Variants in PNLIP observed in about 807,000 individuals in gnomAD.
PNLIP encodes pancreatic triacylglycerol lipase.
PNLIP carries 49 observed loss-of-function variants against 57.1 expected under a neutral mutation model. The ratio of observed to expected loss-of-function variants is 0.86; its 90% CI spans 0.68 to 1.09. The LOEUF (loss-of-function observed/expected upper bound fraction) is 1.09. Among genes scored for constraint, PNLIP ranks in the 50% least tolerant of loss-of-function variants. The pLI is 0.00. For synonymous variants in PNLIP, 209 were observed against 200.4 expected, an observed-to-expected ratio of 1.04 and a Z score of -0.36; for missense variants, 503 against 570.2, an observed-to-expected ratio of 0.88 and a Z score of 1.20.
Position 116,561,643 on chromosome 10 carries a change from A to G in PNLIP, c.1334+7A>G. 6.2e-7 allele frequency: 1 copy of G among 1,604,004 alleles called. No individual in the cohort carries two copies. The highest frequency in any genetic ancestry group is 8.5e-7 in the Non-Finnish European group (1 of 1,173,636). On this transcript the variant is annotated splice_region_variant and intron_variant, in intron 12 of 12. Coordinates refer to ENST00000369221, the MANE Select transcript of PNLIP (RefSeq NM_000936.4). ...AGACAAATGTTGGAAAACAGTAAGT[A>G]ATGAAAATCCCAGGAGATGTGAAAT...
chr10:116,557,523 A>G (rs578065674), intron 9 of PNLIP, among the ~76,000 whole-genome samples: 19 of 152,268 alleles, frequency 1.2e-4, no homozygotes, highest in Middle Eastern at 6.8e-3. Flanking sequence ...TGATGGGCAC[A>G]CTGCTGTATT....
At position 116,555,183 on chromosome 10, in the gene PNLIP, G is replaced by A. The variant is rs112909524; in HGVS notation, c.577G>A (p.Asp193Asn). The change falls in exon 7 of 13, where the codon GAC (aspartate) becomes AAC (asparagine). Residue 193 changes from aspartate (D) to asparagine (N), a missense_variant. Coordinates refer to ENST00000369221, the MANE Select transcript of PNLIP (RefSeq NM_000936.4). ...AAACATACTCTTTACTTTAGGGTTG[G>A]ACCCAGCAGAACCTTGCTTTCAGGG... ...NGTIGRITGL[D>N]PAEPCFQGTP... The A allele has an allele frequency of 1.2e-6, 2 of 1,614,086 alleles. No homozygotes were observed. The highest frequency in any genetic ancestry group is 1.7e-6 in the Non-Finnish European group (2 of 1,180,008).
At position 116,548,344 on chromosome 10, in the gene PNLIP, T is replaced by A; in HGVS notation, c.202-16T>A. On this transcript the variant is annotated splice_polypyrimidine_tract_variant and intron_variant, in intron 3 of 12. Transcript: ENST00000369221. Reference sequence around the variant, plus strand: ...ACTATAGGAAACTGACATGAAACACTTTTCTGTCTAAACAGGAAGTTGCCG... The same window carrying A: ...ACTATAGGAAACTGACATGAAACACATTTCTGTCTAAACAGGAAGTTGCCG... The A allele has an allele frequency of 6.2e-7, 1 of 1,613,050 alleles. No homozygotes were observed. Among genetic ancestry groups the A allele is most frequent in the Non-Finnish European group, 8.5e-7 (1 of 1,179,444 alleles).
chr10:116,563,187 A>G (rs1237327317), intron 12 of PNLIP, among the ~76,000 whole-genome samples: 1 of 152,200 alleles, frequency 6.6e-6, no homozygotes, highest in Non-Finnish European at 1.5e-5. Context: ...AGTGTTTCTC[A>G]TCCAAAATGC....
At chr10:116,565,052 T>A (rs1381734939) in intron 12 of PNLIP, among the ~76,000 whole-genome samples, 2 of 151,688 alleles carry the variant, frequency 1.3e-5, no homozygotes, top group African/African-American at 4.8e-5. Flanking sequence ...TGAGGTCAGA[T>A]CGAGACCATC....
At chr10:116,558,627 ATTTG>A (rs1329421776) in intron 9 of PNLIP, among the ~76,000 whole-genome samples, 1 of 151,138 alleles carries the variant, frequency 6.6e-6, no homozygotes, top group Non-Finnish European at 1.5e-5. Context: ...TCATTGTATG[ATTTG>A]TTTTTTTTTT....
At chr10:116,563,460 G>T (rs1847335007) in intron 12 of PNLIP, among the ~76,000 whole-genome samples, 1 of 152,062 alleles carries the variant, frequency 6.6e-6, no homozygotes, top group Non-Finnish European at 1.5e-5. Context: ...AAGTTCTTTA[G>T]TGATGATTTG....
At chr10:116,554,398 G>A (rs1326668855) in intron 6 of PNLIP, among the ~76,000 whole-genome samples, 1 of 152,174 alleles carries the variant, frequency 6.6e-6, no homozygotes, top group African/African-American at 2.4e-5. Context: ...GAGTTGTCAG[G>A]GAAAAGGTGG....
intron 4 of PNLIP, among the ~76,000 whole-genome samples, chr10:116,550,345 C>T (rs1349583346): frequency 6.6e-6 from 1 of 151,292 alleles, no homozygotes; most frequent in Non-Finnish European, 1.5e-5. Flanking sequence ...GGCGTGACCA[C>T]CGCACCTGGC....
rs1847249353 is a variant in PNLIP at position 116,556,018 on chromosome 10, C to A, written c.830C>A (p.Ala277Asp). 1.2e-6 allele frequency: 2 copies of A among 1,611,412 alleles called. No homozygotes were observed. The highest frequency in any genetic ancestry group is 1.1e-5 in the South Asian group (1 of 90,942). Residue 277 changes from alanine (A) to aspartate (D), a missense_variant, in exon 9 of 13, where the codon GCC becomes GAC. By Grantham distance (126) the Ala-to-Asp change is moderately radical. Coordinates refer to ENST00000369221, the MANE Select transcript of PNLIP (RefSeq NM_000936.4). ...TTCAAAGGGACTCGAGACTTTGCGGCCTGTAATCACTTAAGAAGCTACAAA... is the reference window on the plus strand; with the variant it reads ...TTCAAAGGGACTCGAGACTTTGCGGACTGTAATCACTTAAGAAGCTACAAA... ...GIWEGTRDFA[A>D]CNHLRSYKYY...
intron 6 of PNLIP, 105 bp downstream of exon 6, chr10:116,553,943 T>C (rs1847223276): frequency 2.0e-6 from 1 of 492,724 alleles, no homozygotes; most frequent in African/African-American, 2.1e-5. Flanking sequence ...TCCTATCTCC[T>C]TAAAAAAAAA....
chr10:116,547,408 G>T lies in PNLIP; in HGVS notation c.161G>T (p.Arg54Leu), dbSNP rs753381451. 7 of 1,613,722 alleles carry T rather than the reference G, an allele frequency of 4.3e-6. No homozygotes were observed. The highest frequency in any genetic ancestry group is 2.2e-5 in the East Asian group (1 of 44,882). Residue 54 changes from arginine (R) to leucine (L), a missense_variant, in exon 3 of 13, where the codon CGC (arginine) becomes CTC (leucine). Physicochemically the swap from Arg to Leu is moderately radical, Grantham distance 102. Transcript: ENST00000369221. ...TGGTCTCCAAAAGATGTCAACACCC[G>T]CTTCCTCCTATATACTAATGAGAAC... ...LPWSPKDVNT[R>L]FLLYTNENPN...
chr10:116,553,897 A>G lies in PNLIP; in HGVS notation c.571+59A>G, dbSNP rs954496395. On this transcript the variant is annotated intron_variant, in intron 6 of 12. Transcript: ENST00000369221. ...TGAGGCAAGATGATCTCTTGAGGCCAGCAGTTTGAGGCCAATCTGGGCAAC... is the reference window on the plus strand; with the variant it reads ...TGAGGCAAGATGATCTCTTGAGGCCGGCAGTTTGAGGCCAATCTGGGCAAC... 39 of 1,001,846 alleles carry G rather than the reference A, an allele frequency of 3.9e-5. No individual in the cohort carries two copies. The African/African-American group carries it at 5.6e-4, about 15-fold the overall frequency. 62.1% of individuals were successfully genotyped at this position (1,001,846 alleles called of 1,614,324 possible).
Position 116,559,350 on chromosome 10 carries a change from A to C in PNLIP, c.1060+67A>C, listed in dbSNP as rs915146488. ...TATTTTATTATTATGTCCACTGAAA[A>C]TGTGCATACTTGCTTTTCTATACAA... On this transcript the variant is annotated intron_variant, in intron 10 of 12. Transcript: ENST00000369221. 7.5e-5 allele frequency: 92 copies of C among 1,221,412 alleles called. 1 individual carries two copies. In the African/African-American group the frequency reaches 1.3e-3, roughly 17 times the overall value. 75.7% of individuals were successfully genotyped at this position (1,221,412 alleles called of 1,614,324 possible). A position where few individuals can be genotyped will look rare whatever the true frequency, so the allele number is the denominator to read the frequency against.
chr10:116,553,952 A>C (rs1405774400), intron 6 of PNLIP, 114 bp downstream of exon 6: 1 of 537,494 alleles, frequency 1.9e-6, no homozygotes. Flanking sequence ...CTTAAAAAAA[A>C]AAAAAAGAAA....
At chr10:116,549,339 T>G (rs1457987868) in intron 4 of PNLIP, among the ~76,000 whole-genome samples, 1 of 151,772 alleles carries the variant, frequency 6.6e-6, no homozygotes, top group Non-Finnish European at 1.5e-5. Context: ...ATTAGCCAGG[T>G]ATGGTGGCAC....
intron 6 of PNLIP, among the ~76,000 whole-genome samples, chr10:116,554,452 T>A (rs1847230439): frequency 6.6e-6 from 1 of 152,148 alleles, no homozygotes; most frequent in Non-Finnish European, 1.5e-5. Flanking sequence ...GCTAATGAGA[T>A]AACGAATAGT....
intron 5 of PNLIP, among the ~76,000 whole-genome samples, chr10:116,552,622 C>A (rs951766788): frequency 6.6e-6 from 1 of 152,280 alleles, no homozygotes; most frequent in Middle Eastern, 3.4e-3. Context: ...CACGGTGGCT[C>A]ACGCCTGTAA....
Position 116,559,215 on chromosome 10 carries a change from A to G in PNLIP, c.992A>G (p.Tyr331Cys), listed in dbSNP as rs1346070717. The G allele has an allele frequency of 1.9e-6, 3 of 1,614,058 alleles. No individual in the cohort carries two copies. Among genetic ancestry groups the G allele is most frequent in the Non-Finnish European group, 2.5e-6 (3 of 1,179,934 alleles). ...CAGATGGGTCACTATGCTGATAGATATCCTGGGAAAACAAATGATGTGGGC... is the reference window on the plus strand; with the variant it reads ...CAGATGGGTCACTATGCTGATAGATGTCCTGGGAAAACAAATGATGTGGGC... ...CPQMGHYADR[Y>C]PGKTNDVGQK... Residue 331 changes from tyrosine to cysteine, a missense_variant, in exon 10 of 13, where the codon TAT becomes TGT. Physicochemically the swap from Tyr to Cys is radical, Grantham distance 194 (BLOSUM62 -2). Transcript: ENST00000369221.
Sources: gnomAD v4.1 joint callset for allele counts (sites outside exome capture counted in the v4.1 genomes callset) on GRCh38, gnomAD v4.1.1 for gene constraint, MANE v1.5 for transcripts, NCBI Gene and HGNC (gene_info 2026-07-23, HGNC 2026-07-21) for gene names.